Variants in WDFY4 observed in about 807,000 individuals in gnomAD.
WDFY4 encodes WD repeat- and FYVE domain-containing protein 4.
WDFY4 carries 169 observed loss-of-function variants against 351.9 expected under a neutral mutation model. The ratio of observed to expected loss-of-function variants is 0.48; its 90% CI spans 0.42 to 0.55. The LOEUF (loss-of-function observed/expected upper bound fraction) is 0.55. Among genes scored for constraint, WDFY4 ranks in the 20% least tolerant of loss-of-function variants. The probability of loss-of-function intolerance (pLI) is 0.00; values close to 1 mark genes in which losing one functional copy is unlikely to be tolerated. For missense variants in WDFY4, 3,803 were observed against 3,935.6 expected (o/e 0.97, Z 0.90); for synonymous variants, 1,622 against 1,574.6 (o/e 1.03, Z -0.71).
At chr10:48,763,471 A>G (rs932815238) in intron 13 of WDFY4, among the ~76,000 whole-genome samples, 2 of 152,176 alleles carry the variant, frequency 1.3e-5, no homozygotes, top group Admixed American at 1.3e-4. Context: ...TTGGAAAGAC[A>G]CAGCCAGTGG....
chr10:48,743,253 G>A lies in WDFY4; in HGVS notation c.2164G>A (p.Gly722Arg). The change falls in exon 12 of 62, where the codon GGA becomes AGA. Residue 722 changes from glycine to arginine, a missense_variant. This residue lies in a region of WDFY4 where 3,054 missense variants were observed against 3,148.6 expected (regional missense o/e 0.97). Coordinates refer to ENST00000325239, the MANE Select transcript of WDFY4 (RefSeq NM_001394531.1). Reference sequence around the variant, plus strand: ...GGACCTCTGCCTGCTGGGCTGTTTTGGAGCCCTGGAGGAAGAGGGCAACCT... The same window carrying A: ...GGACCTCTGCCTGCTGGGCTGTTTTAGAGCCCTGGAGGAAGAGGGCAACCT... ...AEDLCLLGCF[G>R]ALEEEGNLLR... 6.4e-7 allele frequency: 1 copy of A among 1,551,662 alleles called. No homozygotes were observed. Among genetic ancestry groups the A allele is most frequent in the South Asian group, 1.2e-5 (1 of 84,064 alleles).
chr10:48,894,779 A>G (rs978357764), intron 44 of WDFY4, among the ~76,000 whole-genome samples: 33 of 152,264 alleles, frequency 2.2e-4, no homozygotes, highest in Middle Eastern at 6.8e-3. Context: ...AGCACAGAGG[A>G]GTGGCCATGT....
chr10:48,876,173 T>C (rs1046317935), intron 42 of WDFY4, among the ~76,000 whole-genome samples: 15 of 152,214 alleles, frequency 9.9e-5, no homozygotes, highest in Non-Finnish European at 1.5e-4. Flanking sequence ...TTCTCCACCA[T>C]GCCTCTCCTA....
chr10:48,702,399 C>T (rs1040688384), intron 1 of WDFY4, among the ~76,000 whole-genome samples: 1 of 152,178 alleles, frequency 6.6e-6, no homozygotes, highest in Admixed American at 6.5e-5. Context: ...CCCCTTATCC[C>T]CCGTCCCTGG....
intron 57 of WDFY4, among the ~76,000 whole-genome samples, chr10:48,973,360 G>T (rs1201065556): frequency 1.3e-5 from 2 of 152,160 alleles, no homozygotes; most frequent in African/African-American, 2.4e-5. Context: ...TCTTCTGTGG[G>T]TCATACCCAT....
rs111478029 is a variant in WDFY4, at chr10:48,935,062, C to T, written c.7587-6744C>T. ...AAGCATACTGGGAAAACAGGCATTTCCAAAGCTGCTTACTCAAAGGAGGGG... is the reference window on the plus strand; with the variant it reads ...AAGCATACTGGGAAAACAGGCATTTTCAAAGCTGCTTACTCAAAGGAGGGG... On this transcript the variant is annotated intron_variant, in intron 47 of 61. Transcript: ENST00000325239. 8.7e-3 allele frequency: 1,328 copies of T among 152,370 alleles called. 14 individuals are homozygous for T. Among genetic ancestry groups the T allele is most frequent in the Middle Eastern group, 0.027 (8 of 294 alleles). 9.4% of individuals were successfully genotyped at this position (152,370 alleles called of 1,614,324 possible). A position where few individuals can be genotyped will look rare whatever the true frequency, so the allele number is the denominator to read the frequency against.
At chr10:48,855,514 C>G (rs987287606) in intron 39 of WDFY4, among the ~76,000 whole-genome samples, 1 of 152,106 alleles carries the variant, frequency 6.6e-6, no homozygotes, top group African/African-American at 2.4e-5. Flanking sequence ...CAACAGTTCT[C>G]AAACTTTTTG....
chr10:48,969,334 T>C, intron 56 of WDFY4, 86 bp downstream of exon 56: 1 of 1,457,956 alleles, frequency 6.9e-7, no homozygotes, highest in Admixed American at 2.1e-5. Context: ...GATAAGTGAG[T>C]CCAAAGCAAC....
chr10:48,955,663 A>G (rs140963264), intron 51 of WDFY4, among the ~76,000 whole-genome samples: 45 of 152,348 alleles, frequency 3.0e-4, no homozygotes, highest in African/African-American at 1.1e-3. Flanking sequence ...GGAAACACCA[A>G]TTCCTTCCTG....
intron 21 of WDFY4, 71 bp from the exon 22 acceptor site, chr10:48,789,803 C>T (rs1318991481): frequency 3.4e-6 from 5 of 1,468,104 alleles, no homozygotes; most frequent in Non-Finnish European, 3.7e-6. Flanking sequence ...GGCCTGCCCT[C>T]CAGGAGCTCG....
intron 47 of WDFY4, chr10:48,913,751 G>C (rs143092104): frequency 1.2e-6 from 2 of 1,613,734 alleles, no homozygotes; most frequent in East Asian, 4.5e-5. Context: ...TGGTGGGCAC[G>C]CTGTCCAGGT....
At chr10:48,807,075 C>G (rs769339668) in intron 27 of WDFY4, among the ~76,000 whole-genome samples, 2 of 152,304 alleles carry the variant, frequency 1.3e-5, no homozygotes, top group African/African-American at 2.4e-5. Flanking sequence ...AGATTAGGAG[C>G]TAATTGAAGA....
chr10:48,959,891 A>G, intron 53 of WDFY4, 78 bp downstream of exon 53: 2 of 1,343,720 alleles, frequency 1.5e-6, no homozygotes, highest in Non-Finnish European at 1.0e-6. Flanking sequence ...TTTCTGTCCA[A>G]GTGGAGGGCC....
At chr10:48,790,012 C>T in intron 22 of WDFY4, 27 bp downstream of exon 22, 1 of 1,548,128 alleles carries the variant, frequency 6.5e-7, no homozygotes, top group East Asian at 2.4e-5. Context: ...AGCTTTGCCG[C>T]TATTTGGGAA....
At chr10:48,937,238 G>C (rs1840439698) in intron 47 of WDFY4, among the ~76,000 whole-genome samples, 1 of 152,194 alleles carries the variant, frequency 6.6e-6, no homozygotes, top group Non-Finnish European at 1.5e-5. Context: ...TTATGGCATA[G>C]TTGTACCATA....
At chr10:48,956,520 C>T (rs1431291852) in intron 51 of WDFY4, among the ~76,000 whole-genome samples, 5 of 152,180 alleles carry the variant, frequency 3.3e-5, no homozygotes, top group Non-Finnish European at 5.9e-5. Flanking sequence ...TCACCCTCCT[C>T]CCTCTGCTTC....
At chr10:48,918,405 C>G (rs934309438) in intron 47 of WDFY4, among the ~76,000 whole-genome samples, 4 of 152,042 alleles carry the variant, frequency 2.6e-5, no homozygotes, top group African/African-American at 9.7e-5. Flanking sequence ...CATGCAAACA[C>G]TAAAGGAAGG....
At chr10:48,753,464 A>G (rs1184004087) in intron 12 of WDFY4, among the ~76,000 whole-genome samples, 2 of 152,214 alleles carry the variant, frequency 1.3e-5, no homozygotes, top group Admixed American at 6.5e-5. Flanking sequence ...ATAAAGATTT[A>G]CCACTGTGTT....
At chr10:48,722,657 GCACA>G (rs1364187023) in intron 4 of WDFY4, among the ~76,000 whole-genome samples, 2 of 151,204 alleles carry the variant, frequency 1.3e-5, no homozygotes, top group African/African-American at 4.8e-5. Flanking sequence ...ATGTGTGCAT[GCACA>G]CACACACGTG....
Sources: gnomAD v4.1 joint callset for allele counts (sites outside exome capture counted in the v4.1 genomes callset) on GRCh38, gnomAD v4.1.1 for gene constraint, gnomAD v4.1.1 regional missense constraint, MANE v1.5 for transcripts, NCBI Gene and HGNC (gene_info 2026-07-23, HGNC 2026-07-21) for gene names.